CHAF1A: variants seen among roughly 807,000 people sequenced by gnomAD.
CHAF1A encodes CAF-1 subunit A.
A neutral mutation model predicts 93.2 loss-of-function variants in CHAF1A; 5 were observed. The ratio of observed to expected loss-of-function variants is 0.05; its 90% CI spans 0.03 to 0.11. The LOEUF (loss-of-function observed/expected upper bound fraction) is 0.11, where lower values mean the gene tolerates loss of function less well. Ranked by LOEUF, CHAF1A falls within the 10% of genes least tolerant of loss-of-function variation. CHAF1A has a pLI of 1.00. For synonymous variants in CHAF1A, 504 were observed against 510.3 expected (o/e 0.99, Z 0.17); for missense variants, 1,102 against 1,259.9 (o/e 0.87, Z 1.90).
At chr19:4,407,620 T>C (rs1973704021) in intron 2 of CHAF1A, among the ~76,000 whole-genome samples, 1 of 152,212 alleles carries the variant, frequency 6.6e-6, no homozygotes, top group Non-Finnish European at 1.5e-5. Flanking sequence ...GCGATGGCTC[T>C]GCTAAAAGGC....
chr19:4,438,693 A>G (rs1974331397), intron 13 of CHAF1A, among the ~76,000 whole-genome samples: 1 of 152,166 alleles, frequency 6.6e-6, no homozygotes, highest in African/African-American at 2.4e-5. Context: ...AAACTAAAGA[A>G]GCATAGATGG....
intron 7 of CHAF1A, among the ~76,000 whole-genome samples, chr19:4,424,760 A>G (rs1974050826): frequency 6.6e-6 from 1 of 152,036 alleles, no homozygotes; most frequent in African/African-American, 2.4e-5. Context: ...TCAGCCTCCC[A>G]GGTAGCTGGG....
At chr19:4,410,679 C>T (rs1003910631) in intron 3 of CHAF1A, among the ~76,000 whole-genome samples, 9 of 152,124 alleles carry the variant, frequency 5.9e-5, no homozygotes, top group African/African-American at 2.2e-4. Context: ...CTGCACCCAG[C>T]CCTGCAAAAA....
At chr19:4,432,946 A>G in intron 12 of CHAF1A, 124 bp from the exon 13 acceptor site, 2 of 734,224 alleles carry the variant, frequency 2.7e-6, no homozygotes, top group South Asian at 1.8e-5. Context: ...GAGGCCACCT[A>G]TCCCCGAAGC....
intron 4 of CHAF1A, among the ~76,000 whole-genome samples, chr19:4,418,662 G>A (rs981003445): frequency 1.1e-4 from 17 of 152,044 alleles, no homozygotes; most frequent in Non-Finnish European, 2.1e-4. Context: ...TGATCCGCCC[G>A]CCTCGGCCTC....
At chr19:4,438,707 G>T (rs1225771783) in intron 13 of CHAF1A, among the ~76,000 whole-genome samples, 1 of 152,224 alleles carries the variant, frequency 6.6e-6, no homozygotes, top group Non-Finnish European at 1.5e-5. Flanking sequence ...TAGATGGCCG[G>T]GTGTGGTGGC....
chr19:4,425,009 A>G (rs1307640939), intron 7 of CHAF1A, among the ~76,000 whole-genome samples: 2 of 151,958 alleles, frequency 1.3e-5, no homozygotes, highest in Non-Finnish European at 2.9e-5. Context: ...CCTGGCTTCA[A>G]ATGATCCTCC....
chr19:4,403,801 T>C (rs8103986), intron 1 of CHAF1A, among the ~76,000 whole-genome samples: 48,523 of 152,278 alleles, frequency 0.32, 9,002 homozygotes, highest in Non-Finnish European at 0.42. Flanking sequence ...ATAAAATTAA[T>C]ATAAAGTTGG....
At chr19:4,450,266 C>A in the CHAF1A span, 1 of 148,874 alleles carries the variant, frequency 6.7e-6, no homozygotes, top group East Asian at 2.0e-4. Context: ...CAAAAGAATT[C>A]TCTCAGCATG....
chr19:4,441,132 C>G (rs1568184460), intron 13 of CHAF1A, among the ~76,000 whole-genome samples: 1 of 151,866 alleles, frequency 6.6e-6, no homozygotes, highest in South Asian at 2.1e-4. Context: ...AGCCTGGCAA[C>G]ATGGTGAAAC....
chr19:4,425,700 T>G (rs905337726), intron 7 of CHAF1A, among the ~76,000 whole-genome samples: 7 of 152,196 alleles, frequency 4.6e-5, no homozygotes, highest in African/African-American at 1.4e-4. Context: ...TGCACATGCT[T>G]CTCTGCACAC....
chr19:4,424,011 T>C, intron 7 of CHAF1A, 137 bp downstream of exon 7: 1 of 718,674 alleles, frequency 1.4e-6, no homozygotes. Context: ...CACTTCCATT[T>C]CTGGTTAAGT....
At chr19:4,417,950 G>GA (rs1413296154) in intron 3 of CHAF1A, 70 bp from the exon 4 acceptor site, 2 of 1,128,250 alleles carry the variant, frequency 1.8e-6, no homozygotes, top group African/African-American at 3.1e-5. Context: ...TGATCACCTG[G>GA]AAAGGTTTCT....
At chr19:4,448,642 C>A, downstream of CHAF1A, 1 of 570,412 alleles carries the variant, frequency 1.8e-6, no homozygotes, top group East Asian at 2.9e-5. Context: ...TCAAGTCTCC[C>A]CTTCCGCCTT....
intron 1 of CHAF1A, among the ~76,000 whole-genome samples, chr19:4,403,494 C>G (rs746782364): frequency 5.9e-5 from 9 of 152,272 alleles, no homozygotes; most frequent in Admixed American, 1.3e-4. Flanking sequence ...TGGCATTACG[C>G]TTTGGCACAT....
chr19:4,410,522 A>C (rs1205916595), intron 3 of CHAF1A, among the ~76,000 whole-genome samples: 1 of 151,746 alleles, frequency 6.6e-6, no homozygotes, highest in Non-Finnish European at 1.5e-5. Flanking sequence ...CTGGGATTAC[A>C]GGTGCGCACC....
chr19:4,423,407 C>G lies in CHAF1A; in HGVS notation c.1308+12C>G. On this transcript the variant is annotated intron_variant, in intron 6 of 14. Coordinates refer to ENST00000301280, the MANE Select transcript of CHAF1A (RefSeq NM_005483.3). ...GAGAAGAAGAGAAGGTAGAGTGTTTCCCACAGAGCTTCCCCGTCCCAGCCC... is the reference window on the plus strand; with the variant it reads ...GAGAAGAAGAGAAGGTAGAGTGTTTGCCACAGAGCTTCCCCGTCCCAGCCC... 1 of 1,613,836 alleles carries G rather than the reference C, an allele frequency of 6.2e-7. No homozygotes were observed. The highest frequency in any genetic ancestry group is 8.5e-7 in the Non-Finnish European group (1 of 1,179,896).
chr19:4,410,137 A>G (rs1973766648), intron 3 of CHAF1A, among the ~76,000 whole-genome samples: 1 of 152,132 alleles, frequency 6.6e-6, no homozygotes, highest in Non-Finnish European at 1.5e-5. Flanking sequence ...CTGTCTAAGC[A>G]TAGAAATGTA....
chr19:4,411,103 C>T (rs1366444692), intron 3 of CHAF1A, among the ~76,000 whole-genome samples: 1 of 152,080 alleles, frequency 6.6e-6, no homozygotes, highest in African/African-American at 2.4e-5. Flanking sequence ...CATGTTGGGT[C>T]TTTATATGAG....
Sources: gnomAD v4.1 joint callset for allele counts (sites outside exome capture counted in the v4.1 genomes callset) on GRCh38, gnomAD v4.1.1 for gene constraint, MANE v1.5 for transcripts, NCBI Gene and HGNC (gene_info 2026-07-23, HGNC 2026-07-21) for gene names.